The following STIM1 variants were observed in gnomAD, a reference collection of about 807,000 sequenced individuals.
The protein encoded by STIM1 is stromal interaction molecule 1.
A neutral mutation model predicts 74.7 loss-of-function variants in STIM1; 25 were observed. The ratio of observed to expected loss-of-function variants is 0.33; its 90% CI spans 0.24 to 0.47. The LOEUF (loss-of-function observed/expected upper bound fraction) is 0.47, where lower values mean the gene tolerates loss of function less well. STIM1 is among the 20% of genes least tolerant of loss of function. STIM1 has a pLI of 1.00. For missense variants in STIM1, 728 were observed against 920.8 expected, an observed-to-expected ratio of 0.79 and a Z score of 2.71; for synonymous variants, 328 against 348.8, an observed-to-expected ratio of 0.94 and a Z score of 0.66.
chr11:4,049,753 CACACACACACAT>C (rs760405167), intron 3 of STIM1: 1,525 of 148,340 alleles, frequency 0.01, 28 homozygotes, highest in Admixed American at 0.031. Flanking sequence ...CACACACACA[CACACACACACAT>C]GCTTAGAACG....
chr11:3,906,276 G>T (rs370613747), intron 1 of STIM1, among the ~76,000 whole-genome samples: 12 of 152,330 alleles, frequency 7.9e-5, no homozygotes, highest in African/African-American at 2.9e-4. Context: ...AAAACACTGA[G>T]AATTAGAAGA....
upstream of STIM1, chr11:3,855,202 C>T (rs1487699214): frequency 6.6e-6 from 1 of 152,590 alleles, no homozygotes; most frequent in Non-Finnish European, 1.5e-5. Flanking sequence ...CGAGCCGGGT[C>T]AGGCTGTTGT....
intron 3 of STIM1, among the ~76,000 whole-genome samples, chr11:4,047,827 T>A (rs1392732035): frequency 6.6e-6 from 1 of 150,570 alleles, no homozygotes; most frequent in African/African-American, 2.4e-5. Context: ...TCTCTTTTTT[T>A]TTTTTTTTTG....
intron 12 of STIM1, among the ~76,000 whole-genome samples, chr11:4,091,036 C>G (rs1431193513): frequency 1.3e-5 from 2 of 151,872 alleles, no homozygotes; most frequent in African/African-American, 4.8e-5. Flanking sequence ...CTTTTCCAAT[C>G]TATCCTCATT....
intron 1 of STIM1, among the ~76,000 whole-genome samples, chr11:3,860,988 G>T (rs1381853409): frequency 6.6e-6 from 1 of 152,120 alleles, no homozygotes; most frequent in Non-Finnish European, 1.5e-5. Flanking sequence ...GATCTGTGTG[G>T]GCTGGGCTAG....
intron 1 of STIM1, among the ~76,000 whole-genome samples, chr11:3,948,379 A>G (rs1446950401): frequency 6.6e-6 from 1 of 152,156 alleles, no homozygotes; most frequent in Non-Finnish European, 1.5e-5. Flanking sequence ...ATATAAGAGA[A>G]AAAAATTAAG....
intron 3 of STIM1, among the ~76,000 whole-genome samples, chr11:4,038,038 C>CTT (rs538655034): frequency 1.4e-5 from 2 of 141,138 alleles, no homozygotes; most frequent in Non-Finnish European, 3.1e-5. Context: ...TCATCACAGT[C>CTT]TTTTTTTTTT....
intron 1 of STIM1, among the ~76,000 whole-genome samples, chr11:3,895,672 TTCCTTCCTTCC>T (rs1299387519): frequency 2.5e-5 from 1 of 39,482 alleles, no homozygotes; most frequent in African/African-American, 1.5e-4. Context: ...CTTTCTTTCT[TTCCTTCCTTCC>T]TTCTTTCTTT....
intron 2 of STIM1, among the ~76,000 whole-genome samples, chr11:3,971,750 C>T (rs2135754245): frequency 6.6e-6 from 1 of 152,244 alleles, no homozygotes; most frequent in South Asian, 2.1e-4. Context: ...TTAACACTGG[C>T]CCTTGTGAAG....
chr11:3,913,131 G>C (rs766586951), intron 1 of STIM1, among the ~76,000 whole-genome samples: 2 of 152,102 alleles, frequency 1.3e-5, no homozygotes, highest in African/African-American at 4.8e-5. Flanking sequence ...AGTTACAGCA[G>C]CTTTATCTGT....
chr11:4,016,840 G>A lies in STIM1; in HGVS notation c.271-7033G>A, dbSNP rs117259243. 7.7e-4 allele frequency among the ~76,000 whole-genome samples: 117 copies of A among 152,348 alleles called. No homozygotes were observed. The East Asian group carries it at 0.019, about 25-fold the overall frequency. On this transcript the variant is annotated intron_variant, in intron 2 of 12. Transcript: ENST00000526596. ...TCGATCTCAGACTGCTGTGCTAGCA[G>A]CAAGGAAGGCTCTGTGTGTGTGGGA...
At position 4,001,604 on chromosome 11, in the gene STIM1, C is replaced by T. The variant is rs375660086; in HGVS notation, c.271-22269C>T. On this transcript the variant is annotated intron_variant, in intron 2 of 12. Coordinates refer to ENST00000526596, the MANE Select transcript of STIM1 (RefSeq NM_001382567.1). ...GAAGGAAGCACTAAACATGGAAAGG[C>T]ACAACCGGTACCAGCCACTGCAAAA... is the stretch of plus-strand genomic sequence containing the variant. Among the ~76,000 whole-genome samples the T allele has an allele frequency of 2.6e-5, 4 of 152,200 alleles. No homozygotes were observed. The South Asian group carries it at 8.3e-4, about 32-fold the overall frequency.
chr11:4,091,189 T>A (rs1315556606), intron 12 of STIM1, 93 bp from the exon 13 acceptor site: 4 of 1,573,816 alleles, frequency 2.5e-6, no homozygotes, highest in Non-Finnish European at 8.7e-7. Context: ...CCTGTCCTTG[T>A]CTTCTCGTGT....
At chr11:3,897,004 C>G (rs2092198570) in intron 1 of STIM1, among the ~76,000 whole-genome samples, 1 of 152,162 alleles carries the variant, frequency 6.6e-6, no homozygotes, top group East Asian at 1.9e-4. Flanking sequence ...ATAATTATCA[C>G]TGTCTAATCT....
At chr11:4,004,254 C>T (rs530385992) in intron 2 of STIM1, among the ~76,000 whole-genome samples, 2 of 152,186 alleles carry the variant, frequency 1.3e-5, no homozygotes, top group Admixed American at 6.5e-5. Context: ...TCATATGGAA[C>T]CAAAAAAGAG....
chr11:3,947,006 G>T (rs974075720), intron 1 of STIM1, among the ~76,000 whole-genome samples: 11 of 151,730 alleles, frequency 7.2e-5, no homozygotes, highest in African/African-American at 2.7e-4. Flanking sequence ...CTTTTGGGGG[G>T]GTCTTAGTTT....
At chr11:3,945,607 T>A (rs183761751) in intron 1 of STIM1, among the ~76,000 whole-genome samples, 1 of 151,984 alleles carries the variant, frequency 6.6e-6, no homozygotes, top group Admixed American at 6.6e-5. Flanking sequence ...TCAAAAAAAA[T>A]AATGTTGTGT....
intron 3 of STIM1, among the ~76,000 whole-genome samples, chr11:4,027,462 C>T (rs2094007349): frequency 6.6e-6 from 1 of 152,036 alleles, no homozygotes; most frequent in Non-Finnish European, 1.5e-5. Context: ...CAGGTGTGTG[C>T]CAGTGCGCCC....
At chr11:3,925,413 T>C (rs2092775786) in intron 1 of STIM1, among the ~76,000 whole-genome samples, 1 of 152,056 alleles carries the variant, frequency 6.6e-6, no homozygotes, top group Non-Finnish European at 1.5e-5. Flanking sequence ...AAACAAACAA[T>C]ACAAACAAAA....
Sources: gnomAD v4.1 joint callset for allele counts (sites outside exome capture counted in the v4.1 genomes callset) on GRCh38, gnomAD v4.1.1 for gene constraint, MANE v1.5 for transcripts, NCBI Gene and HGNC (gene_info 2026-07-23, HGNC 2026-07-21) for gene names.